The following NUP43 variants were observed in gnomAD, a reference collection of about 807,000 sequenced individuals.
NUP43 encodes the protein nucleoporin Nup43.
A neutral mutation model predicts 47.3 loss-of-function variants in NUP43; 32 were observed. The observed-to-expected ratio is 0.68, with a 90% CI of 0.51 to 0.91. The LOEUF (loss-of-function observed/expected upper bound fraction) is 0.91, where lower values mean the gene tolerates loss of function less well. NUP43 is among the 40% of genes least tolerant of loss of function. The probability of loss-of-function intolerance (pLI) is 0.00; values close to 1 mark genes in which losing one functional copy is unlikely to be tolerated. For synonymous variants in NUP43, 147 were observed against 158.4 expected (o/e 0.93, Z 0.54); for missense variants, 444 against 453.9 (o/e 0.98, Z 0.20).
chr6:149,746,597 G>T, upstream of NUP43: 1 of 1,609,892 alleles, frequency 6.2e-7, no homozygotes, highest in Non-Finnish European at 8.5e-7. Context: ...ACTTTAGGAC[G>T]GAGACGGTGG....
chr6:149,746,932 C>A (rs115172461), upstream of NUP43, among the ~76,000 whole-genome samples: 2 of 152,208 alleles, frequency 1.3e-5, no homozygotes, highest in South Asian at 4.1e-4. Context: ...AAAGTGCCAA[C>A]CTACTATCCC....
intron 7 of NUP43, chr6:149,727,770 T>C: frequency 2.0e-6 from 2 of 983,846 alleles, no homozygotes; most frequent in Non-Finnish European, 2.4e-6. Flanking sequence ...ACTACTAGAT[T>C]ATAAGGTTTT....
intron 7 of NUP43, among the ~76,000 whole-genome samples, chr6:149,730,874 G>A (rs1785000423): frequency 6.6e-6 from 1 of 151,938 alleles, no homozygotes; most frequent in Non-Finnish European, 1.5e-5. Flanking sequence ...GGAGGGCGAG[G>A]ATGTAGCGAG....
intron 5 of NUP43, among the ~76,000 whole-genome samples, chr6:149,737,837 C>T (rs141319460): frequency 2.0e-5 from 3 of 152,026 alleles, no homozygotes; most frequent in Non-Finnish European, 2.9e-5. Context: ...TCTATAGGCA[C>T]GTGCCACCAT....
rs1434172409 is a variant in NUP43, at chr6:149,725,713, G to C, written c.*1256C>G. 1 of 152,114 alleles carries C rather than the reference G, an allele frequency of 6.6e-6. No individual in the cohort carries two copies. The highest frequency in any genetic ancestry group is 2.4e-5 in the African/African-American group (1 of 41,426). The allele number at this position is 152,114 out of a possible 1,614,324, so 9.4% of individuals were successfully genotyped here. On this transcript the variant is annotated 3_prime_UTR_variant, in exon 8 of 8. Transcript: ENST00000340413. ...TCTAATAGCAGTGATTTGTCATTAAGGTCTCAGGTCAATAATACATTTAAA... is the reference window on the plus strand; with the variant it reads ...TCTAATAGCAGTGATTTGTCATTAACGTCTCAGGTCAATAATACATTTAAA...
At chr6:149,735,275 C>G (rs1320774608) in intron 6 of NUP43, among the ~76,000 whole-genome samples, 3 of 152,062 alleles carry the variant, frequency 2.0e-5, no homozygotes, top group Non-Finnish European at 2.9e-5. Context: ...GCCTCAAACT[C>G]TCAGGCTCAA....
chr6:149,732,883 C>CCCTATTACTTTATGA (rs1785132854), intron 6 of NUP43, among the ~76,000 whole-genome samples: 1 of 151,800 alleles, frequency 6.6e-6, no homozygotes, highest in Non-Finnish European at 1.5e-5. Context: ...AAACATTTAA[C>CCCTATTACTTTATGA]CCTATTACTT....
intron 2 of NUP43, 76 bp downstream of exon 2, chr6:149,745,864 T>G (rs1785962972): frequency 1.5e-6 from 2 of 1,377,098 alleles, no homozygotes; most frequent in Non-Finnish European, 2.0e-6. Flanking sequence ...ACCAGACAAC[T>G]TTTATGATGC....
upstream of NUP43, chr6:149,746,744 A>G (rs1307202681): frequency 7.5e-6 from 10 of 1,337,686 alleles, no homozygotes; most frequent in Non-Finnish European, 9.9e-6. Context: ...CTTGCTCCTA[A>G]TCTGCAATGT....
Position 149,740,060 on chromosome 6 carries a change from A to G in NUP43, c.503-1282T>C, listed in dbSNP as rs141352251. On this transcript the variant is annotated intron_variant, in intron 4 of 7. Coordinates refer to ENST00000340413, the MANE Select transcript of NUP43 (RefSeq NM_198887.3). ...AGCACTTCGGGAGGCCGAGGTGGGC[A>G]GACCACTTGAGCCCAGGAGTTTGAC... Among the ~76,000 whole-genome samples, 527 of 151,494 alleles carry G rather than the reference A, an allele frequency of 3.5e-3. 3 individuals are homozygous for G. The highest frequency in any genetic ancestry group is 0.012 in the African/African-American group (500 of 41,306).
upstream of NUP43, chr6:149,746,690 G>A (rs779572094): frequency 5.9e-6 from 9 of 1,532,364 alleles, no homozygotes; most frequent in East Asian, 2.0e-4. Context: ...TCACAGAGCA[G>A]CTCTGAGCAA....
At chr6:149,748,552 G>A (rs1321666626), upstream of NUP43, among the ~76,000 whole-genome samples, 1 of 152,118 alleles carries the variant, frequency 6.6e-6, no homozygotes, top group African/African-American at 2.4e-5. Context: ...GCTCATGCCT[G>A]TAATCCCAGC....
chr6:149,736,322 A>G, intron 6 of NUP43, 149 bp downstream of exon 6: 1 of 526,254 alleles, frequency 1.9e-6, no homozygotes, highest in South Asian at 6.0e-5. Context: ...TGTCGAGTAA[A>G]AAGAAATTAC....
At chr6:149,747,944 AG>A (rs1374389967), upstream of NUP43, among the ~76,000 whole-genome samples, 1 of 152,244 alleles carries the variant, frequency 6.6e-6, no homozygotes, top group Non-Finnish European at 1.5e-5. Flanking sequence ...AAGAAACTGT[AG>A]AAAGATGAAA....
At chr6:149,729,628 C>T in intron 7 of NUP43, 3 of 594,660 alleles carry the variant, frequency 5.0e-6, no homozygotes, top group Non-Finnish European at 6.3e-6. Flanking sequence ...CCCAGCACCC[C>T]TCCTATTACC....
intron 5 of NUP43, 110 bp from the exon 6 acceptor site, chr6:149,736,732 A>C: frequency 1.1e-6 from 1 of 905,428 alleles, no homozygotes; most frequent in Non-Finnish European, 1.7e-6. Context: ...TCACTTACCC[A>C]GGCTGGAATG....
In NUP43 at chr6:149,725,669, T is replaced by C. The variant is rs1784768291; in HGVS notation, c.*1300A>G. Reference sequence around the variant, plus strand: ...AACTATGATTATTGGAATTACAAAGTAAATGAACACTTCAATTGTCTAATA... The same window carrying C: ...AACTATGATTATTGGAATTACAAAGCAAATGAACACTTCAATTGTCTAATA... On this transcript the variant is annotated 3_prime_UTR_variant, in exon 8 of 8. Transcript: ENST00000340413. The C allele has an allele frequency of 6.6e-6, 1 of 152,188 alleles. No homozygotes were observed. The highest frequency in any genetic ancestry group is 2.1e-4 in the South Asian group (1 of 4,834). The allele number at this position is 152,188 out of a possible 1,614,324, so 9.4% of individuals were successfully genotyped here.
Position 149,726,722 on chromosome 6 carries a change from A to G in NUP43, c.*247T>C, listed in dbSNP as rs1784805909. The G allele has an allele frequency of 2.0e-6, 1 of 505,162 alleles. No individual in the cohort carries two copies. The highest frequency in any genetic ancestry group is 3.6e-6 in the Non-Finnish European group (1 of 279,468). The allele number at this position is 505,162 out of a possible 1,614,324, so 31.3% of individuals were successfully genotyped here. A position where few individuals can be genotyped will look rare whatever the true frequency, so the allele number is the denominator to read the frequency against. On this transcript the variant is annotated 3_prime_UTR_variant, in exon 8 of 8. Coordinates refer to ENST00000340413, the MANE Select transcript of NUP43 (RefSeq NM_198887.3). ...ATACTCTGAAGGCAACCTATTCATC[A>G]GCACCAGAATCCCACTGATTTTCTT...
At chr6:149,748,535 C>T (rs147876719), upstream of NUP43, among the ~76,000 whole-genome samples, 711 of 152,154 alleles carry the variant, frequency 4.7e-3, 2 homozygotes, top group African/African-American at 0.016. Flanking sequence ...GGAGGCCGGG[C>T]GCTGTGGCTC....
Sources: gnomAD v4.1 joint callset for allele counts (sites outside exome capture counted in the v4.1 genomes callset) on GRCh38, gnomAD v4.1.1 for gene constraint, MANE v1.5 for transcripts, NCBI Gene and HGNC (gene_info 2026-07-23, HGNC 2026-07-21) for gene names.